Variants in SOX13 observed in about 807,000 individuals in gnomAD.
SOX13 encodes the protein SRY-box transcription factor 13, also known as transcription factor SOX-13.
Under a neutral mutation model 71.8 loss-of-function variants are expected in SOX13, and 28 were observed. The ratio of observed to expected loss-of-function variants is 0.39; its 90% confidence interval spans 0.29 to 0.53. The LOEUF (loss-of-function observed/expected upper bound fraction) is 0.53, where lower values mean the gene tolerates loss of function less well. Among genes scored for constraint, SOX13 ranks in the 20% least tolerant of loss-of-function variants. The pLI is 0.70. For synonymous variants in SOX13, 309 were observed against 317.8 expected (o/e 0.97, Z 0.29); for missense variants, 627 against 810.3 (o/e 0.77, Z 2.75).
intron 1 of SOX13, among the ~76,000 whole-genome samples, chr1:204,088,529 A>G (rs2102229220): frequency 6.6e-6 from 1 of 152,012 alleles, no homozygotes; most frequent in South Asian, 2.1e-4. Flanking sequence ...TTTGCCTTTT[A>G]CTCTTGTTCT....
intron 1 of SOX13, among the ~76,000 whole-genome samples, chr1:204,075,056 C>G (rs1655756691): frequency 6.6e-6 from 1 of 152,218 alleles, no homozygotes; most frequent in Non-Finnish European, 1.5e-5. Context: ...GTAGGTGGGT[C>G]TCTACCTCCC....
At chr1:204,104,622 C>T (rs934303981) in intron 1 of SOX13, among the ~76,000 whole-genome samples, 3 of 152,208 alleles carry the variant, frequency 2.0e-5, no homozygotes, top group Non-Finnish European at 4.4e-5. Context: ...GGATCTCTTT[C>T]CCTGGTGATG....
intron 1 of SOX13, among the ~76,000 whole-genome samples, chr1:204,100,443 G>A (rs937298159): frequency 3.3e-5 from 5 of 152,172 alleles, no homozygotes; most frequent in Non-Finnish European, 1.5e-5. Context: ...TGGAAAGCGG[G>A]GTGCTGGGCA....
intron 4 of SOX13, among the ~76,000 whole-genome samples, 180 bp downstream of exon 4, chr1:204,114,785 C>T (rs1656655755): frequency 6.6e-6 from 1 of 152,186 alleles, no homozygotes; most frequent in Admixed American, 6.5e-5. Flanking sequence ...CATTAGGTCT[C>T]ACTCATCCCA....
chr1:204,124,604 C>T, intron 12 of SOX13, 37 bp from the exon 13 acceptor site: 1 of 1,565,386 alleles, frequency 6.4e-7, no homozygotes, highest in Non-Finnish European at 8.7e-7. Context: ...TCAGCAGAGC[C>T]CAGCACTGAC....
At chr1:204,091,239 A>G (rs1012576405) in intron 1 of SOX13, among the ~76,000 whole-genome samples, 1 of 152,148 alleles carries the variant, frequency 6.6e-6, no homozygotes, top group Admixed American at 6.5e-5. Context: ...GAAAAAGACA[A>G]GTCGCGTTTC....
chr1:204,082,509 C>T (rs1476144060), intron 1 of SOX13, among the ~76,000 whole-genome samples: 1 of 152,168 alleles, frequency 6.6e-6, no homozygotes, highest in Non-Finnish European at 1.5e-5. Context: ...GGCTATCACC[C>T]CCTTCCCTCC....
At chr1:204,090,405 CTTCT>C (rs1217455815) in intron 1 of SOX13, among the ~76,000 whole-genome samples, 33 of 131,520 alleles carry the variant, frequency 2.5e-4, no homozygotes, top group Admixed American at 1.1e-3. Flanking sequence ...ACTTCTTCTT[CTTCT>C]TTTTTTTTTT....
chr1:204,099,462 G>C (rs1348912108), intron 1 of SOX13, among the ~76,000 whole-genome samples: 1 of 118,942 alleles, frequency 8.4e-6, no homozygotes, highest in Non-Finnish European at 1.6e-5. Flanking sequence ...CAGGGTCTCT[G>C]TAGCTCAGGC....
At chr1:204,087,147 T>C (rs11240661) in intron 1 of SOX13, among the ~76,000 whole-genome samples, 58,193 of 151,818 alleles carry the variant, frequency 0.38, 11,357 homozygotes, top group African/African-American at 0.45. Flanking sequence ...TGGTCTCGAT[T>C]TCCTGACCTT....
At chr1:204,121,741 C>T (rs1656809266) in intron 7 of SOX13, 159 bp from the exon 8 acceptor site, 3 of 692,536 alleles carry the variant, frequency 4.3e-6, no homozygotes, top group South Asian at 3.1e-5. Flanking sequence ...GGGATAGGAG[C>T]CTCCAAGCAG....
intron 1 of SOX13, among the ~76,000 whole-genome samples, chr1:204,101,002 C>G (rs1210542162): frequency 6.6e-6 from 1 of 152,218 alleles, no homozygotes; most frequent in Non-Finnish European, 1.5e-5. Flanking sequence ...TCTTAGGGAG[C>G]CCCTAGACCT....
At chr1:204,075,991 A>G (rs1248502755) in intron 1 of SOX13, among the ~76,000 whole-genome samples, 1 of 152,082 alleles carries the variant, frequency 6.6e-6, no homozygotes, top group African/African-American at 2.4e-5. Context: ...ACTCTCTCCC[A>G]CCCTTGCCTG....
intron 1 of SOX13, among the ~76,000 whole-genome samples, chr1:204,097,699 A>C (rs1276163993): frequency 1.3e-5 from 2 of 151,618 alleles, no homozygotes; most frequent in South Asian, 2.1e-4. Context: ...GTCTCAAAAA[A>C]AAAAAAAAAG....
chr1:204,116,361 G>A (rs775325020), intron 4 of SOX13, 146 bp from the exon 5 acceptor site: 46 of 1,562,632 alleles, frequency 2.9e-5, no homozygotes, highest in Non-Finnish European at 3.5e-5. Flanking sequence ...CAAGCATCTT[G>A]TGTCATCATC....
intron 1 of SOX13, among the ~76,000 whole-genome samples, chr1:204,108,784 A>G (rs1344756220): frequency 6.6e-6 from 1 of 152,164 alleles, no homozygotes; most frequent in Non-Finnish European, 1.5e-5. Flanking sequence ...CTTTTGTCCA[A>G]CACCCTATTG....
At chr1:204,077,548 A>G (rs1655809210) in intron 1 of SOX13, among the ~76,000 whole-genome samples, 1 of 152,232 alleles carries the variant, frequency 6.6e-6, no homozygotes, top group South Asian at 2.1e-4. Flanking sequence ...AACAGTTTAT[A>G]ACCTGGAAAA....
chr1:204,082,396 G>A (rs908861934), intron 1 of SOX13, among the ~76,000 whole-genome samples: 1 of 152,070 alleles, frequency 6.6e-6, no homozygotes, highest in Non-Finnish European at 1.5e-5. Context: ...AGAAGGAAGG[G>A]AGAGTAGAAT....
At chr1:204,083,548 A>G (rs1655953204) in intron 1 of SOX13, among the ~76,000 whole-genome samples, 1 of 152,222 alleles carries the variant, frequency 6.6e-6, no homozygotes, top group African/African-American at 2.4e-5. Flanking sequence ...TTGGATAGTC[A>G]GCTTTACCAA....
Sources: gnomAD v4.1 joint callset for allele counts (sites outside exome capture counted in the v4.1 genomes callset) on GRCh38, gnomAD v4.1.1 for gene constraint, MANE v1.5 for transcripts, NCBI Gene and HGNC (gene_info 2026-07-23, HGNC 2026-07-21) for gene names.